KIF18A: variants seen among roughly 807,000 people sequenced by gnomAD.
The protein encoded by KIF18A is kinesin family member 18A.
KIF18A carries 67 observed loss-of-function variants against 103.3 expected under a neutral mutation model. The observed-to-expected ratio is 0.65, with a 90% CI of 0.53 to 0.79. The LOEUF is 0.79. KIF18A is among the 30% of genes least tolerant of loss of function. KIF18A has a pLI of 0.00. For missense variants in KIF18A, 1,032 were observed against 1,062.5 expected (o/e 0.97, Z 0.40); for synonymous variants, 367 against 355.5 (o/e 1.03, Z -0.36).
At chr11:28,058,487 A>AG (rs1441620813) in intron 13 of KIF18A, among the ~76,000 whole-genome samples, 5 of 127,924 alleles carry the variant, frequency 3.9e-5, no homozygotes, top group African/African-American at 1.2e-4. Flanking sequence ...TTGTTTCTAC[A>AG]GGAAAAAAAA....
chr11:28,023,301 C>A (rs111791257), intron 16 of KIF18A, among the ~76,000 whole-genome samples: 1 of 152,094 alleles, frequency 6.6e-6, no homozygotes, highest in African/African-American at 2.4e-5. Context: ...TAACTAGATA[C>A]AGACTGGAAT....
In KIF18A at chr11:28,036,648, TC is replaced by T; in HGVS notation, c.1964del (p.Gly655GlufsTer17). The T allele has an allele frequency of 6.3e-7, 1 of 1,598,224 alleles. No individual in the cohort carries two copies. The highest frequency in any genetic ancestry group is 8.5e-7 in the Non-Finnish European group (1 of 1,170,688). On this transcript the variant is annotated frameshift_variant, in exon 14 of 17. Transcript: ENST00000263181. LOFTEE classifies it high-confidence loss of function. ...CTGTAGGAATCTTAACCAGATTAGT[TC>T]CACCTGAAGATGAGCCTATTCAAAA... ...QPIPCCSSSG[G>X]TNLVKIPTEK...
chr11:28,102,452 C>G (rs964780713), intron 1 of KIF18A, among the ~76,000 whole-genome samples: 1 of 152,136 alleles, frequency 6.6e-6, no homozygotes, highest in Admixed American at 6.5e-5. Context: ...TCATGCCTCT[C>G]TAAAATATAA....
intron 10 of KIF18A, among the ~76,000 whole-genome samples, chr11:28,073,888 T>A (rs1240585865): frequency 6.6e-6 from 1 of 152,186 alleles, no homozygotes; most frequent in Admixed American, 6.6e-5. Context: ...AGATGTTAAG[T>A]CAATATCAGC....
At chr11:28,071,721 G>A (rs1302029866) in intron 10 of KIF18A, among the ~76,000 whole-genome samples, 3 of 152,102 alleles carry the variant, frequency 2.0e-5, no homozygotes, top group African/African-American at 7.2e-5. Context: ...TATAACAGAA[G>A]GTGGGAGGTG....
intron 16 of KIF18A, among the ~76,000 whole-genome samples, chr11:28,023,167 G>A (rs1461464560): frequency 1.3e-5 from 2 of 152,158 alleles, no homozygotes; most frequent in Non-Finnish European, 2.9e-5. Flanking sequence ...AACTGAAGTG[G>A]TTTTGTTACC....
chr11:28,035,840 G>C (rs538869019), intron 14 of KIF18A, among the ~76,000 whole-genome samples: 136 of 151,500 alleles, frequency 9.0e-4, no homozygotes, highest in Non-Finnish European at 1.8e-3. Flanking sequence ...GACCATTTCA[G>C]AGTAAGTTGA....
chr11:28,055,600 A>T (rs1196514102), intron 13 of KIF18A, among the ~76,000 whole-genome samples: 1 of 152,130 alleles, frequency 6.6e-6, no homozygotes, highest in Non-Finnish European at 1.5e-5. Context: ...GCAAATCAGA[A>T]ATAGGCAGGA....
At chr11:28,057,738 G>A (rs2133523845) in intron 13 of KIF18A, among the ~76,000 whole-genome samples, 1 of 152,076 alleles carries the variant, frequency 6.6e-6, no homozygotes, top group East Asian at 1.9e-4. Context: ...GCACAAATGT[G>A]AATACACAGA....
chr11:28,070,262 C>A (rs1850995912), intron 10 of KIF18A, among the ~76,000 whole-genome samples: 1 of 152,064 alleles, frequency 6.6e-6, no homozygotes, highest in South Asian at 2.1e-4. Flanking sequence ...AAGAACTCCC[C>A]CTCTTTGGGA....
chr11:28,092,085 G>C (rs557995564), intron 3 of KIF18A, among the ~76,000 whole-genome samples: 56 of 152,264 alleles, frequency 3.7e-4, no homozygotes, highest in Middle Eastern at 3.4e-3. Context: ...AAAGTGCTGG[G>C]ATTACAGGCG....
At chr11:28,093,664 G>C (rs929714098) in intron 3 of KIF18A, among the ~76,000 whole-genome samples, 1 of 151,860 alleles carries the variant, frequency 6.6e-6, no homozygotes, top group East Asian at 1.9e-4. Flanking sequence ...TTACAGAAAG[G>C]GATTATAATC....
At chr11:28,042,975 T>C (rs1850580650) in intron 13 of KIF18A, among the ~76,000 whole-genome samples, 1 of 151,736 alleles carries the variant, frequency 6.6e-6, no homozygotes, top group South Asian at 2.1e-4. Context: ...TTCAGTGCTA[T>C]CCCAAGGAGT....
intron 3 of KIF18A, 137 bp from the exon 4 acceptor site, chr11:28,091,650 C>T (rs572949691): frequency 4.1e-6 from 2 of 485,034 alleles, no homozygotes; most frequent in Non-Finnish European, 7.3e-6. Flanking sequence ...TCACCTCATA[C>T]CTTCGATCTC....
intron 1 of KIF18A, among the ~76,000 whole-genome samples, chr11:28,098,608 T>C (rs866925902): frequency 7.9e-5 from 12 of 152,104 alleles, no homozygotes; most frequent in African/African-American, 2.9e-4. Context: ...CTGAAGGTGA[T>C]AGAGATGGCA....
Position 28,077,096 on chromosome 11 carries a change from A to G in KIF18A, c.1336T>C (p.Leu446=), listed in dbSNP as rs201506452. The G allele has an allele frequency of 8.9e-6, 14 of 1,577,428 alleles. 1 individual carries two copies. In the Admixed American group the frequency reaches 2.6e-4, roughly 29 times the overall value. ...IRQEYLKLEM[L]LKENELKSFY... ...GATTTAAGTTCATTTTCTTTAAGTA[A>G]CATTTCCAACTTCAGATATTCTTGT... is the stretch of plus-strand genomic sequence containing the variant. Residue 446 remains leucine, a synonymous_variant, in exon 10 of 17, where the codon TTA becomes CTA. Coordinates refer to ENST00000263181, the MANE Select transcript of KIF18A (RefSeq NM_031217.4).
chr11:28,025,321 T>G (rs1227168049), intron 15 of KIF18A, among the ~76,000 whole-genome samples: 1 of 152,096 alleles, frequency 6.6e-6, no homozygotes, highest in African/African-American at 2.4e-5. Flanking sequence ...AACACACTTT[T>G]GTATATATCA....
intron 5 of KIF18A, among the ~76,000 whole-genome samples, chr11:28,089,640 T>A (rs1851276494): frequency 6.6e-6 from 1 of 152,180 alleles, no homozygotes; most frequent in African/African-American, 2.4e-5. Flanking sequence ...GGACCACTGT[T>A]GTATATGTGG....
intron 10 of KIF18A, among the ~76,000 whole-genome samples, chr11:28,074,073 C>A (rs1474961801): frequency 2.0e-5 from 3 of 151,974 alleles, no homozygotes; most frequent in South Asian, 2.1e-4. Context: ...GTGGTGGACA[C>A]CTGTAGTCTC....
Sources: gnomAD v4.1 joint callset for allele counts (sites outside exome capture counted in the v4.1 genomes callset) on GRCh38, gnomAD v4.1.1 for gene constraint, MANE v1.5 for transcripts, NCBI Gene and HGNC (gene_info 2026-07-23, HGNC 2026-07-21) for gene names.